ACTR5: variants seen among roughly 807,000 people sequenced by gnomAD.
ACTR5 encodes the protein actin-related protein 5.
ACTR5 carries 43 observed loss-of-function variants against 61.2 expected under a neutral mutation model. That is an observed-to-expected ratio of 0.70 (90% CI 0.55 to 0.91). The LOEUF (loss-of-function observed/expected upper bound fraction) is 0.91, where lower values mean the gene tolerates loss of function less well. ACTR5 is among the 40% of genes least tolerant of loss of function. The probability of loss-of-function intolerance (pLI) is 0.00; values close to 1 mark genes in which losing one functional copy is unlikely to be tolerated. For missense variants in ACTR5, 798 were observed against 782.2 expected, an observed-to-expected ratio of 1.02 and a Z score of -0.24; for synonymous variants, 333 against 310.5, an observed-to-expected ratio of 1.07 and a Z score of -0.76.
chr20:38,755,272 CTGTT>C (rs1286794812), intron 4 of ACTR5, 98 bp downstream of exon 4: 18 of 1,317,446 alleles, frequency 1.4e-5, no homozygotes, highest in Non-Finnish European at 1.7e-5. Context: ...GATGCTTTGA[CTGTT>C]TGTCACCTTT....
At position 38,752,034 on chromosome 20, in the gene ACTR5, CTTCT is replaced by C. The variant is rs1251295780; in HGVS notation, c.606-94_606-91del. 3.6e-5 allele frequency: 50 copies of C among 1,378,260 alleles called. No individual in the cohort carries two copies. In the South Asian group the frequency reaches 5.9e-4, roughly 16 times the overall value. The allele number at this position is 1,378,260 out of a possible 1,614,324, so 85.4% of individuals were successfully genotyped here. Reference sequence around the variant, plus strand: ...TTGTATTTCTCCTGCTGGTCTGTTTCTTCTTTATCTGCCTTAAATTATCTTGTTT... The same window carrying C: ...TTGTATTTCTCCTGCTGGTCTGTTTCTTATCTGCCTTAAATTATCTTGTTT... On this transcript the variant is annotated intron_variant, in intron 2 of 8. Coordinates refer to ENST00000243903, the MANE Select transcript of ACTR5 (RefSeq NM_024855.4).
At chr20:38,762,257 C>G (rs777086430) in intron 5 of ACTR5, among the ~76,000 whole-genome samples, 7 of 152,238 alleles carry the variant, frequency 4.6e-5, no homozygotes, top group Non-Finnish European at 1.0e-4. Context: ...CACATATGGC[C>G]TCTTGGTGTG....
In ACTR5 at chr20:38,761,001, G is replaced by A. The variant is rs370995557; in HGVS notation, c.1177-4401G>A. ...ATGAGACGATGAGATTTTGTTTTGG[G>A]AACTCCTGGGCTCAATTGATCCTCC... On this transcript the variant is annotated intron_variant, in intron 5 of 8. Transcript: ENST00000243903. Among the ~76,000 whole-genome samples the A allele has an allele frequency of 8.5e-5, 13 of 152,154 alleles. No individual in the cohort carries two copies. The East Asian group carries it at 2.1e-3, about 25-fold the overall frequency.
chr20:38,769,031 A>G (rs994260645), intron 8 of ACTR5, among the ~76,000 whole-genome samples: 5 of 152,196 alleles, frequency 3.3e-5, no homozygotes, highest in Non-Finnish European at 5.9e-5. Flanking sequence ...ACCAGGATTT[A>G]CAGGGTCTCT....
intron 3 of ACTR5, among the ~76,000 whole-genome samples, chr20:38,754,564 A>G (rs2084406658): frequency 6.6e-6 from 1 of 151,896 alleles, no homozygotes; most frequent in Non-Finnish European, 1.5e-5. Flanking sequence ...TAAAAATTCA[A>G]AAAAATTAGC....
At chr20:38,750,391 TG>T (rs2084379608) in intron 2 of ACTR5, 152 bp downstream of exon 2, 2 of 664,256 alleles carry the variant, frequency 3.0e-6, no homozygotes, top group Non-Finnish European at 5.1e-6. Flanking sequence ...ACTGTGTGAC[TG>T]GGTAAGTCCC....
intron 3 of ACTR5, among the ~76,000 whole-genome samples, chr20:38,752,861 A>G (rs569715367): frequency 3.3e-5 from 5 of 152,332 alleles, no homozygotes; most frequent in South Asian, 2.1e-4. Flanking sequence ...GCTTGTTGTC[A>G]TTGAGGGTAC....
intron 3 of ACTR5, among the ~76,000 whole-genome samples, chr20:38,752,750 G>A (rs1276764460): frequency 6.6e-6 from 1 of 152,286 alleles, no homozygotes; most frequent in South Asian, 2.1e-4. Flanking sequence ...TCACATGAAT[G>A]TGATGAAAAT....
intron 3 of ACTR5, 48 bp from the exon 4 acceptor site, chr20:38,754,909 T>C: frequency 6.3e-7 from 1 of 1,588,152 alleles, no homozygotes. Flanking sequence ...TTAATTGTTG[T>C]GTTAATAGTG....
At chr20:38,752,430 T>TA in intron 3 of ACTR5, 130 bp downstream of exon 3, 1 of 1,055,316 alleles carries the variant, frequency 9.5e-7, no homozygotes, top group Non-Finnish European at 1.3e-6. Flanking sequence ...TTCCCTTTCT[T>TA]AAACTATTCA....
At chr20:38,749,891 G>T in intron 1 of ACTR5, 119 bp from the exon 2 acceptor site, 1 of 760,810 alleles carries the variant, frequency 1.3e-6, no homozygotes. Context: ...CTCTGATCAG[G>T]TTTTTGATTA....
chr20:38,766,286 A>G lies in ACTR5; in HGVS notation c.1342A>G (p.Arg448Gly). ...TCATCAGCTATTTGTTGGGACAGAA[A>G]GAATTCGAGCTCCAGAGATTATTTT... ...AYHQLFVGTE[R>G]IRAPEIIFQP... Residue 448 changes from arginine (R) to glycine (G), a missense_variant, in exon 7 of 9, where the codon AGA becomes GGA. Arg to Gly is a moderately radical substitution (Grantham distance 125). Coordinates refer to ENST00000243903, the MANE Select transcript of ACTR5 (RefSeq NM_024855.4). The G allele has an allele frequency of 6.2e-7, 1 of 1,614,116 alleles. No individual in the cohort carries two copies. The highest frequency in any genetic ancestry group is 8.5e-7 in the Non-Finnish European group (1 of 1,180,014).
rs374860634 is a variant in ACTR5 at position 38,766,387 on chromosome 20, C to T, written c.1433+10C>T. ...AGTACATTCTGGACAGGTGAGACAG[C>T]GAATCTGCTTTTCCTTCTATCTTCC... On this transcript the variant is annotated intron_variant, in intron 7 of 8. Transcript: ENST00000243903. 2.5e-5 allele frequency: 39 copies of T among 1,566,136 alleles called. No individual in the cohort carries two copies. The highest frequency in any genetic ancestry group is 4.6e-5 in the East Asian group (2 of 43,870).
chr20:38,754,800 AG>A (rs1342273479), intron 3 of ACTR5, among the ~76,000 whole-genome samples, 156 bp from the exon 4 acceptor site: 12 of 152,024 alleles, frequency 7.9e-5, no homozygotes, highest in African/African-American at 2.9e-4. Context: ...TGTGTTAGCC[AG>A]GATGGTCTTG....
intron 5 of ACTR5, among the ~76,000 whole-genome samples, chr20:38,761,166 C>T (rs189798658): frequency 1.3e-5 from 2 of 152,250 alleles, no homozygotes; most frequent in Non-Finnish European, 2.9e-5. Context: ...AAGCAAGCCT[C>T]CCACCTTGCC....
rs2084367202 is a variant in ACTR5 at position 38,748,686 on chromosome 20, G to C, written c.208G>C (p.Gly70Arg). Residue 70 changes from glycine to arginine, a missense_variant, in exon 1 of 9, where the codon GGC (glycine) becomes CGC (arginine). By Grantham distance (125) the Gly-to-Arg change is moderately radical. Transcript: ENST00000243903. ...QFRAVCARGRGGARGASGPQV... is the reference protein window; with the variant it reads ...QFRAVCARGRRGARGASGPQV... ...CCGCGCGGTGTGCGCCCGCGGTCGT[G>C]GCGGGGCACGGGGCGCGTCGGGCCC... 2.0e-6 allele frequency: 3 copies of C among 1,520,904 alleles called. No homozygotes were observed. The highest frequency in any genetic ancestry group is 2.2e-5 in the Admixed American group (1 of 46,266). The allele number at this position is 1,520,904 out of a possible 1,614,324, so 94.2% of individuals were successfully genotyped here.
intron 5 of ACTR5, 148 bp from the exon 6 acceptor site, chr20:38,765,254 T>C (rs1255081755): frequency 4.7e-6 from 3 of 632,804 alleles, no homozygotes; most frequent in Non-Finnish European, 8.3e-6. Context: ...GTGTGCTTTT[T>C]TAAAAATAGC....
intron 2 of ACTR5, 125 bp from the exon 3 acceptor site, chr20:38,752,006 G>T: frequency 1.8e-6 from 2 of 1,109,756 alleles, no homozygotes; most frequent in Non-Finnish European, 2.5e-6. Context: ...TGACTATCAG[G>T]TTTTGTATTT....
Position 38,771,591 on chromosome 20 carries a change from C to G in ACTR5, c.1599C>G (p.Ala533=), listed in dbSNP as rs764225534. ...VQLASNPVLD[A]WYGARDWALN... ...TTGCCTCGAACCCTGTGCTGGATGC[C>G]TGGTACGGTGCTCGTGACTGGGCCT... Residue 533 remains alanine (A), a synonymous_variant, in exon 9 of 9, where the codon GCC becomes GCG. Coordinates refer to ENST00000243903, the MANE Select transcript of ACTR5 (RefSeq NM_024855.4). 30 of 1,613,990 alleles carry G rather than the reference C, an allele frequency of 1.9e-5. No homozygotes were observed. Among genetic ancestry groups the G allele is most frequent in the Non-Finnish European group, 2.5e-5 (29 of 1,180,020 alleles).
Sources: gnomAD v4.1 joint callset for allele counts (sites outside exome capture counted in the v4.1 genomes callset) on GRCh38, gnomAD v4.1.1 for gene constraint, MANE v1.5 for transcripts, NCBI Gene and HGNC (gene_info 2026-07-23, HGNC 2026-07-21) for gene names.